SYTL5: variants seen among roughly 807,000 people sequenced by gnomAD.
SYTL5 encodes the protein synaptotagmin-like protein 5.
SYTL5 carries 34 observed loss-of-function variants against 55.9 expected under a neutral mutation model. That is an observed-to-expected ratio of 0.61 (90% CI 0.46 to 0.81). The LOEUF (loss-of-function observed/expected upper bound fraction) is 0.81. Among genes scored for constraint, SYTL5 ranks in the 30% least tolerant of loss-of-function variants. The pLI is 0.00. For synonymous variants in SYTL5, 221 were observed against 188.7 expected (o/e 1.17, Z -1.40); for missense variants, 637 against 546.7 (o/e 1.17, Z -1.65).
chrX:37,927,078 G>A, the SYTL5 span, among the ~76,000 whole-genome samples: 2 of 111,741 alleles, frequency 1.8e-5, no homozygotes, highest in African/African-American at 6.5e-5. Context: ...GTGAACAAAA[G>A]GCTCTGATAG....
At chrX:37,902,052 C>A in the SYTL5 span, among the ~76,000 whole-genome samples, 1 of 112,133 alleles carries the variant, frequency 8.9e-6, no homozygotes, top group Non-Finnish European at 1.9e-5. Context: ...ACCATGTGGA[C>A]GTTGGGTTGA....
At chrX:38,115,610 T>C (rs1188598149) in intron 13 of SYTL5, among the ~76,000 whole-genome samples, 2 of 111,295 alleles carry the variant, frequency 1.8e-5, no homozygotes, top group Non-Finnish European at 3.8e-5. Flanking sequence ...GTCTTTTTGA[T>C]ATTAGCCATT....
the SYTL5 span, among the ~76,000 whole-genome samples, chrX:37,958,930 TCTGGAATGTA>T: frequency 8.9e-6 from 1 of 112,212 alleles, no homozygotes; most frequent in Non-Finnish European, 1.9e-5. Context: ...ATGTGCCATC[TCTGGAATGTA>T]CTGGCGTGGG....
chrX:37,899,639 T>C, the SYTL5 span, among the ~76,000 whole-genome samples: 144 of 112,164 alleles, frequency 1.3e-3, no homozygotes, highest in Non-Finnish European at 1.6e-3. Context: ...TCTCTCCCTA[T>C]TTCATTTGCC....
At chrX:38,117,614 C>T (rs767052208) in intron 13 of SYTL5, among the ~76,000 whole-genome samples, 91 of 112,043 alleles carry the variant, frequency 8.1e-4, no homozygotes, top group Middle Eastern at 9.2e-3. Flanking sequence ...AGGTAGTTCT[C>T]ACTTAGGGTT....
At chrX:37,904,527 G>T in the SYTL5 span, among the ~76,000 whole-genome samples, 1 of 111,248 alleles carries the variant, frequency 9.0e-6, no homozygotes. Flanking sequence ...ATGGAAAGTA[G>T]AGGTGGGAGC....
At chrX:37,923,857 C>G in the SYTL5 span, among the ~76,000 whole-genome samples, 1 of 111,692 alleles carries the variant, frequency 9.0e-6, no homozygotes, top group East Asian at 2.8e-4. Flanking sequence ...TACCATAAGA[C>G]TTTTCCCTAG....
At chrX:38,053,947 T>C (rs2034497201) in intron 2 of SYTL5, among the ~76,000 whole-genome samples, 1 of 112,231 alleles carries the variant, frequency 8.9e-6, no homozygotes, top group South Asian at 3.7e-4. Flanking sequence ...GAAATTGTAT[T>C]TCCTGAAAAT....
intron 1 of SYTL5, among the ~76,000 whole-genome samples, chrX:38,022,747 G>A (rs907739745): frequency 1.8e-5 from 2 of 112,260 alleles, no homozygotes; most frequent in African/African-American, 6.5e-5. Context: ...GGATAAGGAT[G>A]TGGACTTCTC....
Position 38,090,283 on chromosome X carries a change from T to A in SYTL5, c.831+696T>A, listed in dbSNP as rs189052176. On this transcript the variant is annotated intron_variant, in intron 7 of 16. Coordinates refer to ENST00000297875, the MANE Select transcript of SYTL5 (RefSeq NM_138780.3). ...ATTTAAATCTGGAAAAGTAGAACTTTTATCTAGTTTTTAAAGTAGAAATTT... is the reference window on the plus strand; with the variant it reads ...ATTTAAATCTGGAAAAGTAGAACTTATATCTAGTTTTTAAAGTAGAAATTT... 9.9e-3 allele frequency among the ~76,000 whole-genome samples: 1,106 copies of A among 112,236 alleles called. 6 individuals are homozygous for A. Among genetic ancestry groups the A allele is most frequent in the South Asian group, 0.024 (64 of 2,717 alleles).
the SYTL5 span, among the ~76,000 whole-genome samples, chrX:37,926,722 C>T: frequency 5.4e-5 from 6 of 111,681 alleles, no homozygotes; most frequent in Non-Finnish European, 1.1e-4. Flanking sequence ...GGCTACCAGT[C>T]TCCAGAATCT....
At chrX:37,948,047 A>G in the SYTL5 span, among the ~76,000 whole-genome samples, 1 of 111,742 alleles carries the variant, frequency 8.9e-6, no homozygotes, top group Admixed American at 9.5e-5. Context: ...TCATAGCTTC[A>G]TTGTTTCAGT....
chrX:38,017,624 C>T (rs1934399972), intron 1 of SYTL5, among the ~76,000 whole-genome samples: 1 of 109,284 alleles, frequency 9.2e-6, no homozygotes, highest in African/African-American at 3.3e-5. Flanking sequence ...GGCCCGATAA[C>T]GAGATTCAGA....
At chrX:38,005,987 T>C (rs1406813434), upstream of SYTL5, among the ~76,000 whole-genome samples, 1 of 111,878 alleles carries the variant, frequency 8.9e-6, no homozygotes, top group East Asian at 2.8e-4. Context: ...AGCTGAGCAA[T>C]CACATACTGT....
intron 3 of SYTL5, among the ~76,000 whole-genome samples, chrX:38,062,036 C>A (rs1417084858): frequency 9.1e-6 from 1 of 110,282 alleles, no homozygotes; most frequent in African/African-American, 3.3e-5. Context: ...GGCGCAATCT[C>A]GACTCACTAC....
the SYTL5 span, among the ~76,000 whole-genome samples, chrX:37,954,919 T>C: frequency 1.8e-5 from 2 of 111,041 alleles, no homozygotes; most frequent in Non-Finnish European, 3.8e-5. Flanking sequence ...GAAGAAAAAA[T>C]ATTATCAAAA....
the SYTL5 span, chrX:37,991,078 A>G: frequency 8.3e-7 from 1 of 1,211,366 alleles, no homozygotes; most frequent in Non-Finnish European, 1.1e-6. Context: ...AGTATGCGCA[A>G]CACTTCACAA....
chrX:37,991,408 G>A, the SYTL5 span: 1 of 600,692 alleles, frequency 1.7e-6, no homozygotes, highest in East Asian at 3.6e-5. Flanking sequence ...CTGAAGGCGG[G>A]GAAGGGGTGG....
chrX:37,912,658 T>G, the SYTL5 span, among the ~76,000 whole-genome samples: 51 of 112,038 alleles, frequency 4.6e-4, no homozygotes, highest in African/African-American at 1.3e-3. Flanking sequence ...CAGCTAGCAT[T>G]TATTAAGTAT....
Sources: allele counts gnomAD v4.1 joint callset (sites outside exome capture counted in the v4.1 genomes callset), GRCh38; gene constraint gnomAD v4.1.1; transcripts MANE v1.5; gene names NCBI Gene and HGNC (gene_info 2026-07-23, HGNC 2026-07-21).